RNF220: variants seen among roughly 807,000 people sequenced by gnomAD.
RNF220 encodes the protein E3 ubiquitin-protein ligase RNF220.
RNF220 carries 7 observed loss-of-function variants against 67.1 expected under a neutral mutation model. The observed-to-expected ratio is 0.10, with a 90% CI of 0.06 to 0.20. The LOEUF is 0.20. Ranked by LOEUF, RNF220 falls within the 10% of genes least tolerant of loss-of-function variation. RNF220 has a pLI of 1.00. For synonymous variants in RNF220, 270 were observed against 283.2 expected, an observed-to-expected ratio of 0.95 and a Z score of 0.47; for missense variants, 565 against 740.3, an observed-to-expected ratio of 0.76 and a Z score of 2.75.
At chr1:44,421,281 T>A (rs1040241081) in intron 2 of RNF220, among the ~76,000 whole-genome samples, 2 of 152,232 alleles carry the variant, frequency 1.3e-5, no homozygotes, top group Non-Finnish European at 2.9e-5. Context: ...TATTACTGGA[T>A]ATTGTTTGAA....
intron 12 of RNF220, among the ~76,000 whole-genome samples, chr1:44,647,966 T>TA (rs1260996555): frequency 5.9e-5 from 9 of 152,246 alleles, no homozygotes; most frequent in Non-Finnish European, 2.9e-5. Context: ...GTCCACGAGA[T>TA]AAACTTCAGC....
At chr1:44,628,606 C>T (rs1210470526) in intron 5 of RNF220, among the ~76,000 whole-genome samples, 1 of 152,240 alleles carries the variant, frequency 6.6e-6, no homozygotes, top group African/African-American at 2.4e-5. Flanking sequence ...GCAGCGAGGC[C>T]TTCTGTGATA....
intron 2 of RNF220, among the ~76,000 whole-genome samples, chr1:44,534,989 CG>C (rs1661091075): frequency 6.6e-6 from 1 of 152,106 alleles, no homozygotes; most frequent in Admixed American, 6.5e-5. Context: ...TGTCCAGACT[CG>C]TTGTGACCAG....
chr1:44,544,080 T>G (rs1179338334), intron 2 of RNF220, among the ~76,000 whole-genome samples: 1 of 152,120 alleles, frequency 6.6e-6, no homozygotes. Context: ...CCCATCTTCC[T>G]CCTCATCCCC....
At chr1:44,632,309 T>G in intron 5 of RNF220, 34 bp from the exon 6 acceptor site, 2 of 1,614,082 alleles carry the variant, frequency 1.2e-6, no homozygotes, top group Non-Finnish European at 1.7e-6. Flanking sequence ...CGCTCTCTTT[T>G]CTTTTCTTGC....
At chr1:44,555,252 GA>G (rs1662978922) in intron 2 of RNF220, among the ~76,000 whole-genome samples, 1 of 152,002 alleles carries the variant, frequency 6.6e-6, no homozygotes, top group Non-Finnish European at 1.5e-5. Context: ...ACATTTTGTA[GA>G]GACAGGATCT....
chr1:44,536,296 A>G (rs1347444396), intron 2 of RNF220, among the ~76,000 whole-genome samples: 2 of 152,246 alleles, frequency 1.3e-5, no homozygotes, highest in African/African-American at 2.4e-5. Flanking sequence ...TCTTCTCAGA[A>G]CAAGGCTGCC....
chr1:44,481,419 A>G (rs1329043093), intron 2 of RNF220, among the ~76,000 whole-genome samples: 1 of 152,256 alleles, frequency 6.6e-6, no homozygotes, highest in South Asian at 2.1e-4. Context: ...CATCATCCTC[A>G]GCAAACTAAC....
intron 2 of RNF220, among the ~76,000 whole-genome samples, chr1:44,485,303 A>G (rs1656188274): frequency 6.6e-6 from 1 of 152,202 alleles, no homozygotes; most frequent in Non-Finnish European, 1.5e-5. Context: ...TGCGCCCTGA[A>G]AGGAAACAAA....
At chr1:44,520,465 C>CA (rs1448477401) in intron 2 of RNF220, among the ~76,000 whole-genome samples, 2 of 151,934 alleles carry the variant, frequency 1.3e-5, no homozygotes, top group African/African-American at 4.8e-5. Flanking sequence ...GACTCCGTCT[C>CA]AAAAAAAGAA....
chr1:44,434,723 A>G (rs1650776836), intron 2 of RNF220, among the ~76,000 whole-genome samples: 1 of 152,056 alleles, frequency 6.6e-6, no homozygotes, highest in South Asian at 2.1e-4. Context: ...TTAAAAAAAA[A>G]AAAAAAGATT....
intron 8 of RNF220, among the ~76,000 whole-genome samples, chr1:44,641,084 G>C (rs765695975): frequency 3.9e-5 from 6 of 152,120 alleles, no homozygotes; most frequent in Non-Finnish European, 7.4e-5. Context: ...AGGAAGAAAT[G>C]AGTTTATGGG....
chr1:44,461,924 G>GTTTTTT lies in RNF220; in HGVS notation c.625+49218_625+49223dup, dbSNP rs201661366. On this transcript the variant is annotated intron_variant, in intron 2 of 14. Transcript: ENST00000361799. ...TATTTTTTTCTTTTCTTTTTTCTTT[G>GTTTTTT]TTTTTTTTTTTTTTTTTTTTTGAGC... Among the ~76,000 whole-genome samples, 366 of 123,534 alleles carry GTTTTTT rather than the reference G, an allele frequency of 3.0e-3. 4 individuals carry two copies. Among genetic ancestry groups the GTTTTTT allele is most frequent in the South Asian group, 5.4e-3 (20 of 3,716 alleles). 81.0% of individuals were successfully genotyped at this position (123,534 alleles called of 152,430 possible). A position where few individuals can be genotyped will look rare whatever the true frequency, so the allele number is the denominator to read the frequency against.
At chr1:44,520,662 T>C (rs1196758830) in intron 2 of RNF220, among the ~76,000 whole-genome samples, 3 of 152,194 alleles carry the variant, frequency 2.0e-5, no homozygotes, top group Admixed American at 1.3e-4. Context: ...CCCAGACAGA[T>C]TGAACAGTTT....
At chr1:44,602,438 G>A (rs1192216771) in intron 2 of RNF220, among the ~76,000 whole-genome samples, 1 of 152,112 alleles carries the variant, frequency 6.6e-6, no homozygotes, top group Non-Finnish European at 1.5e-5. Flanking sequence ...AAAGTGAGTA[G>A]AGAGAGTAAA....
At chr1:44,420,258 G>C (rs1355087447) in intron 2 of RNF220, among the ~76,000 whole-genome samples, 1 of 152,234 alleles carries the variant, frequency 6.6e-6, no homozygotes, top group African/African-American at 2.4e-5. Context: ...TGTGAGTGAA[G>C]AAGGAACCTT....
chr1:44,549,576 C>G (rs1265518563), intron 2 of RNF220, among the ~76,000 whole-genome samples: 1 of 152,298 alleles, frequency 6.6e-6, no homozygotes, highest in African/African-American at 2.4e-5. Context: ...CCTTGCCCAG[C>G]GTGATCAGCC....
chr1:44,615,631 G>T (rs990468769), intron 3 of RNF220, among the ~76,000 whole-genome samples: 1 of 152,096 alleles, frequency 6.6e-6, no homozygotes, highest in African/African-American at 2.4e-5. Flanking sequence ...AGGGTAGGGA[G>T]GGTCAGGCAG....
rs1302185801 is a variant in RNF220 at position 44,440,596 on chromosome 1, C to T, written c.625+27874C>T. Among the ~76,000 whole-genome samples the T allele has an allele frequency of 2.0e-5, 3 of 152,214 alleles. No individual in the cohort carries two copies. In the East Asian group the frequency reaches 5.8e-4, roughly 29 times the overall value. Reference sequence around the variant, plus strand: ...GAATTTAAGACATTTGACCAATATACAGCTAGTTAGTGGCAGAGCTGGGAT... The same window carrying T: ...GAATTTAAGACATTTGACCAATATATAGCTAGTTAGTGGCAGAGCTGGGAT... On this transcript the variant is annotated intron_variant, in intron 2 of 14. Coordinates refer to ENST00000361799, the MANE Select transcript of RNF220 (RefSeq NM_018150.4).
Sources: gnomAD v4.1 joint callset for allele counts (sites outside exome capture counted in the v4.1 genomes callset) on GRCh38, gnomAD v4.1.1 for gene constraint, MANE v1.5 for transcripts, NCBI Gene and HGNC (gene_info 2026-07-23, HGNC 2026-07-21) for gene names.